Variants in CCDC73 observed in about 807,000 individuals in gnomAD.
The protein encoded by CCDC73 is coiled-coil domain-containing protein 73.
Under a neutral mutation model 116.5 loss-of-function variants are expected in CCDC73, and 95 were observed. That is an observed-to-expected ratio of 0.82 (90% confidence interval 0.69 to 0.97). The LOEUF is 0.97. CCDC73 is among the 50% of genes least tolerant of loss of function. The pLI is 0.00. For missense variants in CCDC73, 1,066 were observed against 1,206.8 expected (o/e 0.88, Z 1.73); for synonymous variants, 398 against 401.3 (o/e 0.99, Z 0.10).
chr11:32,617,650 T>C (rs1855486494), intron 14 of CCDC73, among the ~76,000 whole-genome samples: 1 of 152,176 alleles, frequency 6.6e-6, no homozygotes. Context: ...GGTCAATGAT[T>C]GGATGTGAAG....
chr11:32,615,769 T>A (rs1855468043), intron 15 of CCDC73, 171 bp downstream of exon 15: 2 of 573,662 alleles, frequency 3.5e-6, no homozygotes, highest in Non-Finnish European at 5.8e-6. Context: ...CATCAGAAGG[T>A]TACTGGTGAC....
chr11:32,776,960 T>TATATATATAC (rs1850539079), intron 1 of CCDC73, among the ~76,000 whole-genome samples: 1 of 37,844 alleles, frequency 2.6e-5, no homozygotes, highest in South Asian at 8.5e-4. Flanking sequence ...TATATATATA[T>TATATATATAC]ACACACACAC....
At chr11:32,643,732 G>C (rs1855753062) in intron 12 of CCDC73, among the ~76,000 whole-genome samples, 2 of 152,028 alleles carry the variant, frequency 1.3e-5, no homozygotes, top group African/African-American at 4.8e-5. Context: ...AGTCAGTGAG[G>C]GAGTGGTCAG....
intron 12 of CCDC73, among the ~76,000 whole-genome samples, chr11:32,647,277 G>A (rs1382247488): frequency 6.6e-6 from 1 of 152,192 alleles, no homozygotes; most frequent in African/African-American, 2.4e-5. Context: ...ATCACATGGT[G>A]AAAGCAGGAG....
intron 17 of CCDC73, among the ~76,000 whole-genome samples, chr11:32,607,469 T>G (rs185931080): frequency 6.4e-4 from 98 of 152,248 alleles, no homozygotes; most frequent in African/African-American, 2.3e-3. Flanking sequence ...CCCTATTAGA[T>G]TAATTATAAA....
At chr11:32,745,717 T>C (rs772491326) in intron 2 of CCDC73, among the ~76,000 whole-genome samples, 25 of 116,486 alleles carry the variant, frequency 2.1e-4, no homozygotes, top group Non-Finnish European at 1.4e-4. Context: ...CCCCTGGTTT[T>C]TGTTTTTTTG....
At chr11:32,699,157 A>G in intron 6 of CCDC73, 94 bp downstream of exon 6, 1 of 1,305,928 alleles carries the variant, frequency 7.7e-7, no homozygotes, top group Non-Finnish European at 9.9e-7. Flanking sequence ...AACTTTTGTC[A>G]GCTTTGCTTT....
intron 12 of CCDC73, among the ~76,000 whole-genome samples, chr11:32,642,539 G>A (rs1024623478): frequency 3.3e-5 from 5 of 151,794 alleles, no homozygotes; most frequent in Non-Finnish European, 5.9e-5. Context: ...CACTTTTTAA[G>A]TATAACTTAA....
rs868765339 is a variant in CCDC73 at position 32,700,653 on chromosome 11, C to T, written c.315+138G>A. On this transcript the variant is annotated intron_variant, in intron 5 of 17. Coordinates refer to ENST00000335185, the MANE Select transcript of CCDC73 (RefSeq NM_001008391.4). ...TCTAAGATTTTAAGCAGTTAACCATCTCTATTAGTTTGTTACTAATGCTCT... is the reference window on the plus strand; with the variant it reads ...TCTAAGATTTTAAGCAGTTAACCATTTCTATTAGTTTGTTACTAATGCTCT... 1.6e-5 allele frequency: 7 copies of T among 447,372 alleles called. No individual in the cohort carries two copies. In the East Asian group the frequency reaches 2.6e-4, roughly 16 times the overall value. The allele number at this position is 447,372 out of a possible 1,614,324, so 27.7% of individuals were successfully genotyped here.
At chr11:32,687,429 G>A (rs1856212039) in intron 6 of CCDC73, among the ~76,000 whole-genome samples, 1 of 152,168 alleles carries the variant, frequency 6.6e-6, no homozygotes, top group South Asian at 2.1e-4. Flanking sequence ...GGGGGCAGCA[G>A]AATGGTGGAC....
At chr11:32,632,182 G>T (rs1478198992) in intron 14 of CCDC73, among the ~76,000 whole-genome samples, 1 of 152,110 alleles carries the variant, frequency 6.6e-6, no homozygotes, top group East Asian at 1.9e-4. Context: ...ATGTGCTGCT[G>T]AAGAGAATGT....
At chr11:32,692,047 C>CAAA (rs1232988817) in intron 6 of CCDC73, among the ~76,000 whole-genome samples, 1 of 71,558 alleles carries the variant, frequency 1.4e-5, no homozygotes, top group Non-Finnish European at 2.4e-5. Flanking sequence ...GACTCCGTCT[C>CAAA]ACAAAAAAAA....
At chr11:32,798,368 A>G (rs538203486), upstream of CCDC73, among the ~76,000 whole-genome samples, 2 of 152,380 alleles carry the variant, frequency 1.3e-5, no homozygotes, top group African/African-American at 2.4e-5. Flanking sequence ...ATCACCACTA[A>G]CTGCAACCTC....
At chr11:32,752,117 G>C (rs745610587) in intron 2 of CCDC73, among the ~76,000 whole-genome samples, 1 of 152,164 alleles carries the variant, frequency 6.6e-6, no homozygotes, top group Non-Finnish European at 1.5e-5. Context: ...AAGAGGATCT[G>C]TTCTAAGAGA....
intron 1 of CCDC73, among the ~76,000 whole-genome samples, chr11:32,780,286 T>TAATA (rs1201112973): frequency 2.0e-5 from 3 of 151,040 alleles, no homozygotes; most frequent in Admixed American, 6.6e-5. Flanking sequence ...AAAATAATAA[T>TAATA]AATAAATAAA....
chr11:32,745,826 C>T (rs1174984289), intron 2 of CCDC73, among the ~76,000 whole-genome samples: 17 of 150,060 alleles, frequency 1.1e-4, no homozygotes, highest in African/African-American at 1.7e-4. Context: ...TGTCTCTGCA[C>T]GTGAGGTGGG....
At chr11:32,619,892 A>C in intron 14 of CCDC73, among the ~76,000 whole-genome samples, 1 of 49,454 alleles carries the variant, frequency 2.0e-5, no homozygotes. Flanking sequence ...AGGGGAAGGG[A>C]GGGAGGGGAA....
intron 2 of CCDC73, among the ~76,000 whole-genome samples, chr11:32,749,161 A>C (rs1850265280): frequency 6.6e-6 from 1 of 152,092 alleles, no homozygotes; most frequent in Non-Finnish European, 1.5e-5. Context: ...GTCCTCTTTA[A>C]GGCCAAAAAC....
chr11:32,696,044 T>G (rs1398131195), intron 6 of CCDC73, among the ~76,000 whole-genome samples: 1 of 152,150 alleles, frequency 6.6e-6, no homozygotes, highest in African/African-American at 2.4e-5. Flanking sequence ...ATGGTTAGAA[T>G]CACTAAATTT....
Sources: allele counts gnomAD v4.1 joint callset (sites outside exome capture counted in the v4.1 genomes callset), GRCh38; gene constraint gnomAD v4.1.1; transcripts MANE v1.5; gene names NCBI Gene and HGNC (gene_info 2026-07-23, HGNC 2026-07-21).